The following CNTLN variants were observed in gnomAD, a reference collection of about 807,000 sequenced individuals.
CNTLN encodes the protein centlein, also known as centlein, centrosomal protein.
CNTLN carries 212 observed loss-of-function variants against 180.0 expected under a neutral mutation model. The ratio of observed to expected loss-of-function variants is 1.18; its 90% CI spans 1.05 to 1.32. The LOEUF (loss-of-function observed/expected upper bound fraction) is 1.32. Ranked by LOEUF, CNTLN falls within the 40% of genes most tolerant of loss-of-function variation. The pLI is 0.00. For synonymous variants in CNTLN, 722 were observed against 563.1 expected (o/e 1.28, Z -3.99); for missense variants, 2,095 against 1,610.9 (o/e 1.30, Z -5.14).
chr9:17,165,215 A>G (rs1472315084), intron 2 of CNTLN, among the ~76,000 whole-genome samples: 1 of 152,184 alleles, frequency 6.6e-6, no homozygotes, highest in African/African-American at 2.4e-5. Context: ...AGAGAATACC[A>G]CATTTTTTTT....
At chr9:17,481,954 C>A (rs912369180) in intron 23 of CNTLN, among the ~76,000 whole-genome samples, 1 of 152,170 alleles carries the variant, frequency 6.6e-6, no homozygotes. Context: ...AAGGACTATT[C>A]CTGCTGAAGA....
chr9:17,339,071 T>C (rs1216840622), intron 10 of CNTLN, among the ~76,000 whole-genome samples: 1 of 152,232 alleles, frequency 6.6e-6, no homozygotes, highest in African/African-American at 2.4e-5. Flanking sequence ...TTATTTTGAA[T>C]GCCTTTGTCA....
intron 12 of CNTLN, among the ~76,000 whole-genome samples, chr9:17,348,883 C>G (rs1419916211): frequency 1.3e-5 from 2 of 152,002 alleles, no homozygotes; most frequent in African/African-American, 4.8e-5. Flanking sequence ...GTTTTTTCCC[C>G]CTAGTTGATT....
At chr9:17,474,141 A>G (rs1283806756) in intron 23 of CNTLN, among the ~76,000 whole-genome samples, 2 of 152,136 alleles carry the variant, frequency 1.3e-5, no homozygotes, top group East Asian at 3.9e-4. Context: ...ATTCTGACCT[A>G]TGACTCCCTA....
intron 10 of CNTLN, among the ~76,000 whole-genome samples, chr9:17,337,471 A>G (rs111276308): frequency 2.0e-5 from 3 of 152,330 alleles, no homozygotes; most frequent in African/African-American, 7.2e-5. Flanking sequence ...TATTGAAATT[A>G]CTATAGGAAA....
chr9:17,424,154 A>G (rs748268318), intron 18 of CNTLN, among the ~76,000 whole-genome samples: 49 of 152,288 alleles, frequency 3.2e-4, no homozygotes, highest in Non-Finnish European at 6.2e-4. Flanking sequence ...AATATATTTA[A>G]GGTAAATTTT....
intron 2 of CNTLN, among the ~76,000 whole-genome samples, chr9:17,202,078 A>C (rs2131886168): frequency 6.6e-6 from 1 of 152,128 alleles, no homozygotes; most frequent in South Asian, 2.1e-4. Context: ...TTTCTGTCTT[A>C]ATTTTGTTAT....
intron 18 of CNTLN, among the ~76,000 whole-genome samples, chr9:17,453,512 A>T (rs937215608): frequency 6.6e-6 from 1 of 152,194 alleles, no homozygotes. Flanking sequence ...GATTAAAAAA[A>T]ATCAGGACCC....
At chr9:17,340,699 A>T (rs1821409498) in intron 10 of CNTLN, 128 bp from the exon 11 acceptor site, 1 of 665,728 alleles carries the variant, frequency 1.5e-6, no homozygotes, top group Non-Finnish European at 2.2e-6. Flanking sequence ...AATACATATT[A>T]CAGATTCATT....
chr9:17,274,543 G>T (rs556465856), intron 6 of CNTLN, among the ~76,000 whole-genome samples: 1 of 151,572 alleles, frequency 6.6e-6, no homozygotes, highest in South Asian at 2.1e-4. Flanking sequence ...ATGCATGAAA[G>T]GACATGCATG....
intron 8 of CNTLN, among the ~76,000 whole-genome samples, chr9:17,315,361 T>G (rs1248037032): frequency 6.6e-6 from 1 of 152,138 alleles, no homozygotes; most frequent in African/African-American, 2.4e-5. Context: ...TGTTGCAACT[T>G]TAACAGTAGT....
chr9:17,510,042 A>G, the CNTLN span, among the ~76,000 whole-genome samples: 1 of 152,140 alleles, frequency 6.6e-6, no homozygotes, highest in Non-Finnish European at 1.5e-5. Context: ...ATATATCTGG[A>G]ATACAGGTGA....
chr9:17,434,974 G>C (rs576028459), intron 18 of CNTLN, among the ~76,000 whole-genome samples: 1 of 152,078 alleles, frequency 6.6e-6, no homozygotes. Flanking sequence ...CTACTTTCAA[G>C]ATTTTTTTGT....
intron 2 of CNTLN, among the ~76,000 whole-genome samples, chr9:17,204,073 C>T (rs973296474): frequency 6.6e-6 from 1 of 152,136 alleles, no homozygotes; most frequent in African/African-American, 2.4e-5. Flanking sequence ...ACCTTTTATC[C>T]ACGTTCTTAG....
chr9:17,503,149 G>A lies in CNTLN; in HGVS notation c.*497G>A, dbSNP rs548796773. 5 of 152,250 alleles carry A rather than the reference G, an allele frequency of 3.3e-5. No homozygotes were observed. Among genetic ancestry groups the A allele is most frequent in the Non-Finnish European group, 7.3e-5 (5 of 68,124 alleles). 9.4% of individuals were successfully genotyped at this position (152,250 alleles called of 1,614,324 possible). On this transcript the variant is annotated 3_prime_UTR_variant, in exon 26 of 26. Transcript: ENST00000380647. ...AGCATTTATTGAAATAAATTGTGTG[G>A]TCCAATTGAATCTGTTCTCATTGAT...
chr9:17,421,549 G>A (rs1325372642), intron 18 of CNTLN, among the ~76,000 whole-genome samples: 1 of 152,034 alleles, frequency 6.6e-6, no homozygotes, highest in Non-Finnish European at 1.5e-5. Flanking sequence ...TGGTTGGAGA[G>A]TTTAGTCCAT....
At chr9:17,493,168 C>T (rs2134371080) in intron 25 of CNTLN, among the ~76,000 whole-genome samples, 1 of 152,116 alleles carries the variant, frequency 6.6e-6, no homozygotes, top group Middle Eastern at 3.4e-3. Context: ...GGTTACACAA[C>T]AACATGAATG....
At chr9:17,473,263 A>T (rs1410308806) in intron 23 of CNTLN, among the ~76,000 whole-genome samples, 1 of 152,100 alleles carries the variant, frequency 6.6e-6, no homozygotes, top group African/African-American at 2.4e-5. Context: ...CTATCTTCTC[A>T]AACCTCCAGC....
rs376536315 is a variant in CNTLN, at chr9:17,369,820, C to G, written c.1987+3103C>G. 8.9e-4 allele frequency among the ~76,000 whole-genome samples: 135 copies of G among 151,768 alleles called. 1 individual carries two copies. The highest frequency in any genetic ancestry group is 6.8e-3 in the Middle Eastern group (2 of 294). ...TGGCCAATATGGTGGAACCCTGTCT[C>G]TACTAAAAATACAAACATTAGCCAG... On this transcript the variant is annotated intron_variant, in intron 13 of 25. Transcript: ENST00000380647.
Sources: allele counts gnomAD v4.1 joint callset (sites outside exome capture counted in the v4.1 genomes callset), GRCh38; gene constraint gnomAD v4.1.1; transcripts MANE v1.5; gene names NCBI Gene and HGNC (gene_info 2026-07-23, HGNC 2026-07-21).